The following LTBP1 variants were observed in gnomAD, a reference collection of about 807,000 sequenced individuals.
LTBP1 encodes the protein latent transforming growth factor beta binding protein 1.
A neutral mutation model predicts 207.6 loss-of-function variants in LTBP1; 129 were observed. The ratio of observed to expected loss-of-function variants is 0.62; its 90% confidence interval spans 0.54 to 0.72. The LOEUF is 0.72. Ranked by LOEUF, LTBP1 falls within the 30% of genes least tolerant of loss-of-function variation. LTBP1 has a pLI of 0.00. For synonymous variants in LTBP1, 963 were observed against 833.7 expected, an observed-to-expected ratio of 1.16 and a Z score of -2.67; for missense variants, 2,281 against 2,217.2, an observed-to-expected ratio of 1.03 and a Z score of -0.58.
intron 3 of LTBP1, among the ~76,000 whole-genome samples, chr2:33,051,882 T>G (rs781149355): frequency 2.6e-5 from 4 of 152,236 alleles, no homozygotes; most frequent in Admixed American, 6.5e-5. Context: ...CCCAAAGACA[T>G]AGGCACATAC....
chr2:33,056,395 G>T, intron 3 of LTBP1: 1 of 1,203,976 alleles, frequency 8.3e-7, no homozygotes, highest in East Asian at 2.8e-5. Context: ...TGGATGTTAG[G>T]CAAAATGCCG....
chr2:33,228,786 G>T (rs978326535), intron 9 of LTBP1, among the ~76,000 whole-genome samples: 1 of 138,154 alleles, frequency 7.2e-6, no homozygotes, highest in African/African-American at 2.7e-5. Context: ...TGCAATCTCC[G>T]CCTCCTGGGT....
intron 31 of LTBP1, among the ~76,000 whole-genome samples, chr2:33,372,045 T>G (rs2150218833): frequency 6.6e-6 from 1 of 152,276 alleles, no homozygotes; most frequent in Admixed American, 6.5e-5. Context: ...CTACCTGCAG[T>G]TTAAGGCATC....
intron 10 of LTBP1, among the ~76,000 whole-genome samples, chr2:33,251,588 C>T (rs935622812): frequency 6.6e-6 from 1 of 150,868 alleles, no homozygotes; most frequent in Non-Finnish European, 1.5e-5. Flanking sequence ...TGGCGTGAAC[C>T]CGGGAGGTGG....
At chr2:33,349,197 T>C (rs1393030291) in intron 26 of LTBP1, among the ~76,000 whole-genome samples, 1 of 152,186 alleles carries the variant, frequency 6.6e-6, no homozygotes, top group African/African-American at 2.4e-5. Flanking sequence ...ACGCCTGTAA[T>C]CCCAACACTT....
intron 16 of LTBP1, among the ~76,000 whole-genome samples, 172 bp from the exon 17 acceptor site, chr2:33,274,793 A>G (rs2093392955): frequency 2.6e-5 from 4 of 152,182 alleles, no homozygotes; most frequent in African/African-American, 9.7e-5. Flanking sequence ...TCTCTCTTCC[A>G]GGAACAATCC....
At chr2:33,263,165 GAACA>G in intron 14 of LTBP1, 125 bp from the exon 15 acceptor site, 1 of 660,386 alleles carries the variant, frequency 1.5e-6, no homozygotes, top group South Asian at 1.8e-5. Context: ...TTGGGACATA[GAACA>G]GTTCTTTATA....
Position 33,168,056 on chromosome 2 carries a change from A to C in LTBP1, c.1202-18800A>C, listed in dbSNP as rs1178216700. Among the ~76,000 whole-genome samples the C allele has an allele frequency of 3.3e-5, 5 of 152,306 alleles. No individual in the cohort carries two copies. In the East Asian group the frequency reaches 9.7e-4, roughly 29 times the overall value. On this transcript the variant is annotated intron_variant, in intron 5 of 33. Coordinates refer to ENST00000404816, the MANE Select transcript of LTBP1 (RefSeq NM_206943.4). ...AACCACCATCTAGCCCCTGTTAGAC[A>C]TTCCTATCACTCTGTGCATAGTTGT...
At chr2:33,337,376 G>C (rs1298925063) in intron 24 of LTBP1, among the ~76,000 whole-genome samples, 5 of 152,168 alleles carry the variant, frequency 3.3e-5, no homozygotes, top group Non-Finnish European at 5.9e-5. Context: ...CTTTTTAAAT[G>C]AGCCACTGGT....
rs541207764 is a variant in LTBP1 at position 33,342,545 on chromosome 2, T to G, written c.3731-293T>G. ...TTGGAAATAAAGAGTCGAGAACGTT[T>G]AGGTAATACTGGGCGTGGCACTTGC... On this transcript the variant is annotated intron_variant, in intron 24 of 33. Coordinates refer to ENST00000404816, the MANE Select transcript of LTBP1 (RefSeq NM_206943.4). Among the ~76,000 whole-genome samples the G allele has an allele frequency of 1.1e-3, 170 of 152,378 alleles. 2 individuals are homozygous for G. The highest frequency in any genetic ancestry group is 1.6e-3 in the Non-Finnish European group (108 of 68,034).
chr2:33,315,725 C>T (rs1455275907), intron 24 of LTBP1, among the ~76,000 whole-genome samples: 1 of 152,148 alleles, frequency 6.6e-6, no homozygotes, highest in Non-Finnish European at 1.5e-5. Flanking sequence ...CACTTGAGAT[C>T]AGGAGTTGAA....
At chr2:33,020,404 A>G (rs989195883) in intron 2 of LTBP1, among the ~76,000 whole-genome samples, 4 of 152,192 alleles carry the variant, frequency 2.6e-5, no homozygotes, top group Non-Finnish European at 4.4e-5. Context: ...ATTTTAAGTT[A>G]AGCGTATATT....
intron 31 of LTBP1, among the ~76,000 whole-genome samples, chr2:33,373,355 A>G (rs1449538107): frequency 6.6e-6 from 1 of 152,200 alleles, no homozygotes; most frequent in African/African-American, 2.4e-5. Context: ...GTTTGAAGAG[A>G]CAGACTTACA....
chr2:33,028,112 A>G (rs183241495), intron 3 of LTBP1, among the ~76,000 whole-genome samples: 45 of 152,258 alleles, frequency 3.0e-4, no homozygotes, highest in Admixed American at 7.2e-4. Flanking sequence ...AGAGTAGACC[A>G]TGGCATGGAG....
chr2:33,039,827 G>A (rs1393985800), intron 3 of LTBP1, among the ~76,000 whole-genome samples: 2 of 152,234 alleles, frequency 1.3e-5, no homozygotes, highest in East Asian at 3.9e-4. Flanking sequence ...GAGTGATAAT[G>A]GGTTCGGAAA....
At chr2:33,379,129 G>A (rs2095181071) in intron 31 of LTBP1, among the ~76,000 whole-genome samples, 1 of 150,198 alleles carries the variant, frequency 6.7e-6, no homozygotes, top group South Asian at 2.1e-4. Flanking sequence ...CAGTTGTGCT[G>A]ATTGTACACT....
At chr2:33,359,350 C>T (rs758123338) in intron 26 of LTBP1, among the ~76,000 whole-genome samples, 6 of 152,054 alleles carry the variant, frequency 3.9e-5, no homozygotes, top group African/African-American at 1.4e-4. Flanking sequence ...TTTAGAAACA[C>T]GTTTACTATT....
At chr2:33,168,399 C>CAA (rs10616798) in intron 5 of LTBP1, among the ~76,000 whole-genome samples, 27 of 103,796 alleles carry the variant, frequency 2.6e-4, no homozygotes, top group African/African-American at 5.0e-4. Flanking sequence ...GTCTTTGTCT[C>CAA]AAAAAAAAAA....
At chr2:32,993,269 G>A (rs1684700088) in intron 2 of LTBP1, among the ~76,000 whole-genome samples, 1 of 152,036 alleles carries the variant, frequency 6.6e-6, no homozygotes, top group African/African-American at 2.4e-5. Context: ...CAGGGCTGGC[G>A]TAAAAGCAAA....
Sources: allele counts gnomAD v4.1 joint callset (sites outside exome capture counted in the v4.1 genomes callset), GRCh38; gene constraint gnomAD v4.1.1; transcripts MANE v1.5; gene names NCBI Gene and HGNC (gene_info 2026-07-23, HGNC 2026-07-21).